SCFD1: variants seen among roughly 807,000 people sequenced by gnomAD.
SCFD1 encodes the protein sec1 family domain containing 1.
Under a neutral mutation model 103.2 loss-of-function variants are expected in SCFD1, and 37 were observed. That is an observed-to-expected ratio of 0.36 (90% CI 0.28 to 0.47). SCFD1 has a LOEUF of 0.47. Ranked by LOEUF, SCFD1 falls within the 20% of genes least tolerant of loss-of-function variation. The pLI, the probability that SCFD1 is intolerant of heterozygous loss-of-function variation, is 1.00. For missense variants in SCFD1, 639 were observed against 761.2 expected (o/e 0.84, Z 1.89); for synonymous variants, 264 against 245.0 (o/e 1.08, Z -0.73).
chr14:30,628,430 T>C, intron 2 of SCFD1, 151 bp downstream of exon 2: 1 of 577,196 alleles, frequency 1.7e-6, no homozygotes, highest in Non-Finnish European at 3.0e-6. Context: ...TTAATATGAA[T>C]TGTTTTGACA....
intron 20 of SCFD1, among the ~76,000 whole-genome samples, chr14:30,718,736 G>T (rs1309000918): frequency 5.9e-5 from 9 of 152,132 alleles, no homozygotes; most frequent in Non-Finnish European, 7.4e-5. Flanking sequence ...ACTAAGGCAG[G>T]ATATCAGATA....
chr14:30,704,067 G>T (rs1891301267), intron 17 of SCFD1, among the ~76,000 whole-genome samples: 1 of 150,912 alleles, frequency 6.6e-6, no homozygotes, highest in Non-Finnish European at 1.5e-5. Context: ...CTTAAGTTGT[G>T]CATTTGGACT....
At chr14:30,648,321 C>A (rs1375557182) in intron 7 of SCFD1, among the ~76,000 whole-genome samples, 1 of 151,982 alleles carries the variant, frequency 6.6e-6, no homozygotes, top group Non-Finnish European at 1.5e-5. Context: ...ATTCATATTT[C>A]CTATAGAATC....
At chr14:30,650,455 T>C (rs774914226) in intron 8 of SCFD1, 110 bp from the exon 9 acceptor site, 4 of 681,094 alleles carry the variant, frequency 5.9e-6, no homozygotes, top group Non-Finnish European at 1.0e-5. Flanking sequence ...ATTTGCTATT[T>C]GTAAAGAAAT....
intron 9 of SCFD1, among the ~76,000 whole-genome samples, chr14:30,653,255 C>T (rs563815652): frequency 9.9e-5 from 15 of 152,126 alleles, no homozygotes; most frequent in African/African-American, 2.2e-4. Context: ...TAGCTATGAT[C>T]GCGCCACTGC....
chr14:30,711,754 A>G (rs1034458253), intron 19 of SCFD1, among the ~76,000 whole-genome samples: 1 of 152,008 alleles, frequency 6.6e-6, no homozygotes. Flanking sequence ...AGGAGTGGTA[A>G]TAGTGTTTTG....
Position 30,735,843 on chromosome 14 carries a change from T to TATA in SCFD1, c.*239_*241dup. 1 of 401,358 alleles carries TATA rather than the reference T, an allele frequency of 2.5e-6. No individual in the cohort carries two copies. The highest frequency in any genetic ancestry group is 5.7e-5 in the South Asian group (1 of 17,530). The allele number at this position is 401,358 out of a possible 1,614,324, so 24.9% of individuals were successfully genotyped here. ...TCTCTGATAAATCAGAAAGTACTAATATAATAACTAATAGGTTATGATTGA... is the reference window on the plus strand; with the variant it reads ...TCTCTGATAAATCAGAAAGTACTAATATAATAATAACTAATAGGTTATGATTGA... On this transcript the variant is annotated 3_prime_UTR_variant, in exon 25 of 25. Coordinates refer to ENST00000458591, the MANE Select transcript of SCFD1 (RefSeq NM_016106.4).
At position 30,622,338 on chromosome 14, in the gene SCFD1, G is replaced by T; in HGVS notation, c.-1G>T. 6.3e-7 allele frequency: 1 copy of T among 1,577,516 alleles called. No individual in the cohort carries two copies. Among genetic ancestry groups the T allele is most frequent in the Admixed American group, 1.8e-5 (1 of 54,438 alleles). Reference sequence around the variant, plus strand: ...CCGGGCAGTGGCTCGTGGGAGCCAAGATGGCGGCGGCGGCGGCAGCGACAG... The same window carrying T: ...CCGGGCAGTGGCTCGTGGGAGCCAATATGGCGGCGGCGGCGGCAGCGACAG... On this transcript the variant is annotated 5_prime_UTR_variant, in exon 1 of 25. Coordinates refer to ENST00000458591, the MANE Select transcript of SCFD1 (RefSeq NM_016106.4).
chr14:30,634,971 A>C (rs1479324513), intron 4 of SCFD1: 3 of 455,894 alleles, frequency 6.6e-6, no homozygotes, highest in Admixed American at 4.7e-5. Context: ...TAGATGAGTC[A>C]CCCCAAAGAA....
chr14:30,657,895 G>A (rs1244657663), intron 10 of SCFD1, among the ~76,000 whole-genome samples: 4 of 151,774 alleles, frequency 2.6e-5, no homozygotes, highest in Non-Finnish European at 5.9e-5. Flanking sequence ...AAACAACTAT[G>A]AAAATTCACA....
chr14:30,722,836 T>A, intron 23 of SCFD1: 3 of 221,978 alleles, frequency 1.4e-5, no homozygotes, highest in African/African-American at 2.3e-5. Flanking sequence ...CTTAGAGACC[T>A]CTTCCCAAAA....
At chr14:30,668,015 C>G (rs148286195) in intron 10 of SCFD1, among the ~76,000 whole-genome samples, 2,521 of 152,282 alleles carry the variant, frequency 0.017, 92 homozygotes, top group African/African-American at 0.057. Flanking sequence ...CCCCATCAAG[C>G]TACCAATGAC....
chr14:30,682,458 C>T (rs576565271), intron 14 of SCFD1, among the ~76,000 whole-genome samples: 2 of 152,122 alleles, frequency 1.3e-5, no homozygotes, highest in Non-Finnish European at 2.9e-5. Flanking sequence ...TTGACAAATC[C>T]ATGCATATAG....
intron 14 of SCFD1, among the ~76,000 whole-genome samples, chr14:30,677,721 A>C (rs1168406556): frequency 6.6e-6 from 1 of 150,840 alleles, no homozygotes; most frequent in Non-Finnish European, 1.5e-5. Context: ...TGGCTGTGTT[A>C]ATGTTAATTA....
intron 14 of SCFD1, among the ~76,000 whole-genome samples, chr14:30,684,425 G>A (rs1218672633): frequency 6.6e-6 from 1 of 152,144 alleles, no homozygotes; most frequent in African/African-American, 2.4e-5. Flanking sequence ...CCAGTCAAAT[G>A]TCTTACACAA....
intron 14 of SCFD1, chr14:30,683,305 A>T (rs34093148): frequency 2.1e-5 from 16 of 768,812 alleles, no homozygotes; most frequent in Non-Finnish European, 2.9e-5. Context: ...GCAGGGTGTG[A>T]GGAATTTCAC....
rs1891261439 is a variant in SCFD1, at chr14:30,703,929, AT to A, written c.1490+1555del. ...TATTTGCATATATATATATATATAT[AT>A]ATATATATATATATATATATATATA... On this transcript the variant is annotated intron_variant, in intron 17 of 24. Coordinates refer to ENST00000458591, the MANE Select transcript of SCFD1 (RefSeq NM_016106.4). Among the ~76,000 whole-genome samples the A allele has an allele frequency of 1.9e-4, 10 of 52,030 alleles. No individual in the cohort carries two copies. The South Asian group carries it at 3.0e-3, about 16-fold the overall frequency. 34.1% of individuals were successfully genotyped at this position (52,030 alleles called of 152,430 possible). A position where few individuals can be genotyped will look rare whatever the true frequency, so the allele number is the denominator to read the frequency against.
At chr14:30,664,322 A>T (rs976021462) in intron 10 of SCFD1, among the ~76,000 whole-genome samples, 1 of 152,092 alleles carries the variant, frequency 6.6e-6, no homozygotes, top group Admixed American at 6.6e-5. Flanking sequence ...TGTTAGAAGG[A>T]AAACTAACAA....
chr14:30,693,529 A>G (rs113856062), intron 14 of SCFD1, among the ~76,000 whole-genome samples: 113 of 152,238 alleles, frequency 7.4e-4, no homozygotes, highest in African/African-American at 2.4e-3. Flanking sequence ...TCCTTAGTCT[A>G]CTGTTTAGAT....
Sources: gnomAD v4.1 joint callset for allele counts (sites outside exome capture counted in the v4.1 genomes callset) on GRCh38, gnomAD v4.1.1 for gene constraint, MANE v1.5 for transcripts, NCBI Gene and HGNC (gene_info 2026-07-23, HGNC 2026-07-21) for gene names.